OSBPL8: variants seen among roughly 807,000 people sequenced by gnomAD.
OSBPL8 encodes the protein oxysterol-binding protein-related protein 8.
OSBPL8 carries 59 observed loss-of-function variants against 125.5 expected under a neutral mutation model. That is an observed-to-expected ratio of 0.47 (90% CI 0.38 to 0.58). The LOEUF (loss-of-function observed/expected upper bound fraction) is 0.58, where lower values mean the gene tolerates loss of function less well. Among genes scored for constraint, OSBPL8 ranks in the 20% least tolerant of loss-of-function variants. OSBPL8 has a pLI of 0.00. For synonymous variants in OSBPL8, 330 were observed against 338.9 expected (o/e 0.97, Z 0.29); for missense variants, 758 against 1,047.8 (o/e 0.72, Z 3.82).
chr12:76,479,276 T>C (rs903624346), intron 2 of OSBPL8, among the ~76,000 whole-genome samples: 18 of 152,298 alleles, frequency 1.2e-4, no homozygotes, highest in Non-Finnish European at 1.8e-4. Context: ...CATGTGATCA[T>C]TACGCACTAC....
chr12:76,435,900 C>T (rs1408554104), intron 4 of OSBPL8, among the ~76,000 whole-genome samples: 2 of 152,040 alleles, frequency 1.3e-5, no homozygotes, highest in Non-Finnish European at 2.9e-5. Flanking sequence ...GAAATCTATG[C>T]AAATATCATA....
At chr12:76,390,937 T>G (rs1953532770) in intron 10 of OSBPL8, among the ~76,000 whole-genome samples, 1 of 152,148 alleles carries the variant, frequency 6.6e-6, no homozygotes, top group Non-Finnish European at 1.5e-5. Context: ...TCTCTACCAC[T>G]TGGGGCTAAA....
At chr12:76,362,082 G>A (rs1356615457) in intron 21 of OSBPL8, among the ~76,000 whole-genome samples, 2 of 152,052 alleles carry the variant, frequency 1.3e-5, no homozygotes, top group African/African-American at 4.8e-5. Flanking sequence ...TAATAAGCAG[G>A]CAGGTTTGGC....
At chr12:76,525,221 T>A (rs74103500) in intron 1 of OSBPL8, among the ~76,000 whole-genome samples, 54 of 152,318 alleles carry the variant, frequency 3.5e-4, no homozygotes, top group Middle Eastern at 3.4e-3. Flanking sequence ...TTGCTGGATA[T>A]TTTATGTCAT....
chr12:76,358,866 C>A, intron 21 of OSBPL8, 55 bp from the exon 22 acceptor site: 1 of 1,313,626 alleles, frequency 7.6e-7, no homozygotes. Flanking sequence ...GACTAAAGAC[C>A]AACTGTGTAC....
chr12:76,395,517 GA>G (rs1044731523), intron 8 of OSBPL8, among the ~76,000 whole-genome samples: 17 of 151,754 alleles, frequency 1.1e-4, no homozygotes, highest in Admixed American at 4.6e-4. Flanking sequence ...AACGAAAACA[GA>G]AAAAAAATTT....
intron 4 of OSBPL8, among the ~76,000 whole-genome samples, chr12:76,438,518 A>G (rs1234667057): frequency 6.6e-6 from 1 of 152,132 alleles, no homozygotes; most frequent in Non-Finnish European, 1.5e-5. Context: ...GGGTCTGTAT[A>G]GAACAGTTAT....
intron 2 of OSBPL8, among the ~76,000 whole-genome samples, chr12:76,473,673 C>T (rs1252398683): frequency 1.3e-5 from 2 of 152,186 alleles, no homozygotes; most frequent in Admixed American, 6.5e-5. Flanking sequence ...AACCACAACT[C>T]GAACAGGTTG....
At chr12:76,370,738 G>A (rs144128756) in intron 19 of OSBPL8, among the ~76,000 whole-genome samples, 3 of 152,308 alleles carry the variant, frequency 2.0e-5, no homozygotes, top group African/African-American at 7.2e-5. Flanking sequence ...AAATTTGAGT[G>A]TAGAAGGGAA....
chr12:76,371,030 C>T (rs1289199894), intron 19 of OSBPL8, among the ~76,000 whole-genome samples: 1 of 152,148 alleles, frequency 6.6e-6, no homozygotes, highest in Non-Finnish European at 1.5e-5. Context: ...GCCAGTCCAT[C>T]CAGTAACTTT....
chr12:76,509,247 T>C (rs1340937101), intron 1 of OSBPL8, among the ~76,000 whole-genome samples: 1 of 152,170 alleles, frequency 6.6e-6, no homozygotes, highest in Non-Finnish European at 1.5e-5. Flanking sequence ...CCTAGGTGTG[T>C]AGTAGGCTAC....
Position 76,353,453 on chromosome 12 carries a change from T to C in OSBPL8, c.*2436A>G, listed in dbSNP as rs1477697112. 6.6e-6 allele frequency: 1 copy of C among 151,732 alleles called. No homozygotes were observed. Among genetic ancestry groups the C allele is most frequent in the Non-Finnish European group, 1.5e-5 (1 of 67,754 alleles). The allele number at this position is 151,732 out of a possible 1,614,324, so 9.4% of individuals were successfully genotyped here. The stretch of plus-strand genomic sequence containing the variant: ...TGTAGGAAAATAAAATCTTGGTAAA[T>C]GAAAAAAACTGGTCATAAGGTCATA... On this transcript the variant is annotated 3_prime_UTR_variant, in exon 24 of 24. Coordinates refer to ENST00000261183, the MANE Select transcript of OSBPL8 (RefSeq NM_020841.5).
chr12:76,550,209 CA>C (rs1404223207), intron 1 of OSBPL8, among the ~76,000 whole-genome samples: 2 of 151,882 alleles, frequency 1.3e-5, no homozygotes, highest in African/African-American at 4.8e-5. Flanking sequence ...TTTTTAATTC[CA>C]AAGTTAGATT....
At chr12:76,438,683 G>A (rs987829813) in intron 4 of OSBPL8, among the ~76,000 whole-genome samples, 8 of 152,098 alleles carry the variant, frequency 5.3e-5, no homozygotes, top group African/African-American at 1.9e-4. Flanking sequence ...AGTTTTTATC[G>A]TGAGTAGATG....
chr12:76,505,279 G>A (rs74103491), intron 1 of OSBPL8, among the ~76,000 whole-genome samples: 2,858 of 152,182 alleles, frequency 0.019, 72 homozygotes, highest in African/African-American at 0.061. Context: ...GTACGCCGCT[G>A]CCAGCTACCC....
At chr12:76,541,963 G>T (rs1950657284) in intron 1 of OSBPL8, among the ~76,000 whole-genome samples, 1 of 152,108 alleles carries the variant, frequency 6.6e-6, no homozygotes. Flanking sequence ...CCTGAGGTTG[G>T]GAGTTCGAGA....
intron 9 of OSBPL8, 59 bp from the exon 10 acceptor site, chr12:76,392,811 T>C: frequency 6.8e-7 from 1 of 1,475,420 alleles, no homozygotes; most frequent in Non-Finnish European, 9.2e-7. Flanking sequence ...CTAGCATGCA[T>C]CTTAACTTAC....
At chr12:76,437,388 T>C (rs1871595886) in intron 4 of OSBPL8, among the ~76,000 whole-genome samples, 1 of 152,196 alleles carries the variant, frequency 6.6e-6, no homozygotes, top group South Asian at 2.1e-4. Flanking sequence ...CTACATTTGG[T>C]GATTCTTAAT....
chr12:76,368,095 G>A lies in OSBPL8; in HGVS notation c.2328+1119C>T, dbSNP rs187935463. On this transcript the variant is annotated intron_variant, in intron 21 of 23. Transcript: ENST00000261183. ...ATTTACCTTAGCATTTTTTTGTAGG[G>A]CAGGTCTAGTGGTAATGAACTCCCT... Among the ~76,000 whole-genome samples, 5 of 152,078 alleles carry A rather than the reference G, an allele frequency of 3.3e-5. No homozygotes were observed. The East Asian group carries it at 9.6e-4, about 29-fold the overall frequency.
Sources: gnomAD v4.1 joint callset for allele counts (sites outside exome capture counted in the v4.1 genomes callset) on GRCh38, gnomAD v4.1.1 for gene constraint, MANE v1.5 for transcripts, NCBI Gene and HGNC (gene_info 2026-07-23, HGNC 2026-07-21) for gene names.